The following UGT1A10 variants were observed in gnomAD, a reference collection of about 807,000 sequenced individuals.
The protein encoded by UGT1A10 is UDP glucuronosyltransferase family 1 member A10, also known as UDP-glucuronosyltransferase 1A10.
UGT1A10 carries 49 observed loss-of-function variants against 45.8 expected under a neutral mutation model. The observed-to-expected ratio is 1.07, with a 90% confidence interval of 0.85 to 1.36. The LOEUF (loss-of-function observed/expected upper bound fraction) is 1.36, where lower values mean the gene tolerates loss of function less well. UGT1A10 is among the 40% of genes most tolerant of loss of function. The pLI is 0.00. For missense variants in UGT1A10, 745 were observed against 668.6 expected (o/e 1.11, Z -1.26); for synonymous variants, 284 against 249.7 (o/e 1.14, Z -1.29).
chr2:233,639,234 A>G (rs2073383785), intron 1 of UGT1A10, among the ~76,000 whole-genome samples: 1 of 152,236 alleles, frequency 6.6e-6, no homozygotes, highest in Non-Finnish European at 1.5e-5. Context: ...GTGTTTCTAT[A>G]TCTATTAAAG....
At chr2:233,690,759 AT>A (rs1559344493) in intron 1 of UGT1A10, 32 of 285,874 alleles carry the variant, frequency 1.1e-4, no homozygotes, top group Middle Eastern at 1.4e-3. Context: ...CAGTGCAGAC[AT>A]ACACACACAC....
intron 1 of UGT1A10, among the ~76,000 whole-genome samples, chr2:233,744,376 C>T (rs1002936325): frequency 4.0e-5 from 6 of 151,828 alleles, no homozygotes; most frequent in Non-Finnish European, 8.8e-5. Context: ...GACTGCAGTT[C>T]TCCAACGTTC....
chr2:233,747,263 T>C (rs1693601928), intron 1 of UGT1A10: 3 of 1,599,140 alleles, frequency 1.9e-6, no homozygotes, highest in East Asian at 2.2e-5. Context: ...ACAGGAGTGC[T>C]ACTCCTTCTC....
At chr2:233,744,212 GTTGGGGAAAAGAGA>G (rs1383890849) in intron 1 of UGT1A10, among the ~76,000 whole-genome samples, 2 of 151,858 alleles carry the variant, frequency 1.3e-5, no homozygotes, top group Non-Finnish European at 2.9e-5. Flanking sequence ...GGAAAAAGAG[GTTGGGGAAAAGAGA>G]GGGCCTTGAC....
At chr2:233,767,540 C>G (rs570115667) in intron 2 of UGT1A10, among the ~76,000 whole-genome samples, 2 of 152,230 alleles carry the variant, frequency 1.3e-5, no homozygotes, top group Non-Finnish European at 2.9e-5. Flanking sequence ...CATTTCTGCT[C>G]TTATAGTTCT....
At chr2:233,669,060 G>T (rs1357876796) in intron 1 of UGT1A10, among the ~76,000 whole-genome samples, 1 of 152,164 alleles carries the variant, frequency 6.6e-6, no homozygotes, top group Non-Finnish European at 1.5e-5. Context: ...GTGTTTTCCC[G>T]CTTTCTTGCG....
At chr2:233,683,295 C>G (rs1372789673) in intron 1 of UGT1A10, among the ~76,000 whole-genome samples, 1 of 151,998 alleles carries the variant, frequency 6.6e-6, no homozygotes, top group African/African-American at 2.4e-5. Flanking sequence ...GATATCTTTA[C>G]AGGTCAATGC....
chr2:233,672,918 A>G (rs375274388), intron 1 of UGT1A10: 48 of 1,498,702 alleles, frequency 3.2e-5, no homozygotes, highest in African/African-American at 2.1e-4. Context: ...TTAACAAATT[A>G]TTTTGTGCCA....
intron 1 of UGT1A10, among the ~76,000 whole-genome samples, chr2:233,694,477 G>C (rs1005897043): frequency 3.3e-5 from 5 of 152,126 alleles, no homozygotes; most frequent in Non-Finnish European, 7.4e-5. Flanking sequence ...TATGGCCTCT[G>C]ACCTAAGACA....
rs185924649 is a variant in UGT1A10, at chr2:233,637,693, C to T, written c.855+316C>T. 4.7e-3 allele frequency among the ~76,000 whole-genome samples: 721 copies of T among 152,108 alleles called. 6 individuals carry two copies. Among genetic ancestry groups the T allele is most frequent in the Non-Finnish European group, 4.7e-3 (318 of 67,992 alleles). On this transcript the variant is annotated intron_variant, in intron 1 of 4. Transcript: ENST00000344644. ...GTTTTTTGTTAATTCTATGTGACCCCGTAGTTGAAATGCTCTTAAGTTTTG... is the reference window on the plus strand; with the variant it reads ...GTTTTTTGTTAATTCTATGTGACCCTGTAGTTGAAATGCTCTTAAGTTTTG...
At chr2:233,661,631 C>T (rs1559329387) in intron 1 of UGT1A10, among the ~76,000 whole-genome samples, 1 of 122,328 alleles carries the variant, frequency 8.2e-6, no homozygotes, top group Non-Finnish European at 1.8e-5. Context: ...AATTTTCTTT[C>T]TTTCTTTCTT....
At position 233,709,398 on chromosome 2, in the gene UGT1A10, T is replaced by C. The variant is rs1379256166; in HGVS notation, c.856-57636T>C. 2.0e-5 allele frequency among the ~76,000 whole-genome samples: 3 copies of C among 152,212 alleles called. No individual in the cohort carries two copies. In the East Asian group the frequency reaches 5.8e-4, roughly 29 times the overall value. On this transcript the variant is annotated intron_variant, in intron 1 of 4. Transcript: ENST00000344644. ...AATCTAAATTTCTTTTAATAATCTA[T>C]GGGTGAACACTCAATAAGAATGTCC...
intron 1 of UGT1A10, among the ~76,000 whole-genome samples, chr2:233,673,321 C>T (rs1183477630): frequency 6.6e-6 from 1 of 152,012 alleles, no homozygotes; most frequent in African/African-American, 2.4e-5. Flanking sequence ...TTGACAAGTT[C>T]TATTAATAAT....
chr2:233,757,311 G>T (rs1320628354), intron 1 of UGT1A10, among the ~76,000 whole-genome samples: 1 of 149,170 alleles, frequency 6.7e-6, no homozygotes, highest in Non-Finnish European at 1.5e-5. Context: ...GGGACAGGGG[G>T]GCTGGGGCCC....
At chr2:233,706,682 A>C (rs182459361) in intron 1 of UGT1A10, among the ~76,000 whole-genome samples, 33 of 151,848 alleles carry the variant, frequency 2.2e-4, no homozygotes, top group African/African-American at 7.7e-4. Flanking sequence ...TCCCCACCCC[A>C]CTCCTTCTTG....
intron 1 of UGT1A10, chr2:233,682,915 A>T: frequency 6.7e-7 from 1 of 1,486,510 alleles, no homozygotes. Context: ...GGTTTAAGGA[A>T]TTCTTTTGTA....
chr2:233,661,669 T>TTCTTTCTTTCTC (rs2073971394), intron 1 of UGT1A10, among the ~76,000 whole-genome samples: 1 of 147,832 alleles, frequency 6.8e-6, no homozygotes, highest in African/African-American at 2.5e-5. Flanking sequence ...CTTTCTTTCT[T>TTCTTTCTTTCTC]TCTTTCTTTC....
At chr2:233,724,314 G>C (rs1472414004) in intron 1 of UGT1A10, among the ~76,000 whole-genome samples, 1 of 144,282 alleles carries the variant, frequency 6.9e-6, no homozygotes, top group African/African-American at 2.6e-5. Flanking sequence ...CCTCCCGGAC[G>C]GGGCGGCTGG....
At chr2:233,753,723 TATGCCCC>T (rs1654919100) in intron 1 of UGT1A10, 1 of 152,226 alleles carries the variant, frequency 6.6e-6, no homozygotes, top group Non-Finnish European at 1.5e-5. Flanking sequence ...CCTAATTTGA[TATGCCCC>T]AAGCACAGCA....
Sources: allele counts gnomAD v4.1 joint callset (sites outside exome capture counted in the v4.1 genomes callset), GRCh38; gene constraint gnomAD v4.1.1; transcripts MANE v1.5; gene names NCBI Gene and HGNC (gene_info 2026-07-23, HGNC 2026-07-21).